ANKFN1: variants seen among roughly 807,000 people sequenced by gnomAD.
ANKFN1 encodes ankyrin repeat and fibronectin type-III domain-containing protein 1.
Under a neutral mutation model 108.7 loss-of-function variants are expected in ANKFN1, and 74 were observed. The ratio of observed to expected loss-of-function variants is 0.68; its 90% CI spans 0.56 to 0.83. ANKFN1 has a LOEUF of 0.83. ANKFN1 is among the 40% of genes least tolerant of loss of function. The pLI, the probability that ANKFN1 is intolerant of heterozygous loss-of-function variation, is 0.00. For missense variants in ANKFN1, 1,505 were observed against 1,382.3 expected (o/e 1.09, Z -1.41); for synonymous variants, 547 against 516.2 (o/e 1.06, Z -0.81).
Position 56,492,306 on chromosome 17 carries a change from G to T in ANKFN1, c.2380G>T (p.Val794Phe), listed in dbSNP as rs1431989040. ...CAGGGAAGCAATCTCAGACAGCGAG[G>T]TTGCAGCTGCCAAACAAAGACACCA... ...SLREAISDSEVAAAKQRHQQV... is the reference protein window; with the variant it reads ...SLREAISDSEFAAAKQRHQQV... The change falls in exon 19 of 21, where the codon GTT (valine) becomes TTT (phenylalanine). Residue 794 changes from valine to phenylalanine, a missense_variant. Coordinates refer to ENST00000682825, the MANE Select transcript of ANKFN1 (RefSeq NM_001370326.1). The T allele has an allele frequency of 7.1e-6, 5 of 702,574 alleles. No individual in the cohort carries two copies. Among genetic ancestry groups the T allele is most frequent in the South Asian group, 1.5e-5 (1 of 67,562 alleles). The allele number at this position is 702,574 out of a possible 1,614,324, so 43.5% of individuals were successfully genotyped here. A position where few individuals can be genotyped will look rare whatever the true frequency, so the allele number is the denominator to read the frequency against.
intron 8 of ANKFN1, among the ~76,000 whole-genome samples, chr17:56,408,315 T>A (rs2047983645): frequency 6.6e-6 from 1 of 152,198 alleles, no homozygotes; most frequent in Non-Finnish European, 1.5e-5. Context: ...ATCAAAGATG[T>A]TTATACACAT....
At chr17:56,066,001 A>G (rs752612) in intron 4 of ANKFN1, among the ~76,000 whole-genome samples, 112,809 of 151,638 alleles carry the variant, frequency 0.74, 42,270 homozygotes, top group Non-Finnish European at 0.81. Context: ...AGGTATGCCT[A>G]TGCCTATGAC....
chr17:56,493,733 C>T (rs1306372410), intron 19 of ANKFN1, among the ~76,000 whole-genome samples: 2 of 152,122 alleles, frequency 1.3e-5, no homozygotes, highest in Non-Finnish European at 2.9e-5. Flanking sequence ...TACAGCCATA[C>T]TGGTTGTTTA....
At chr17:56,120,947 T>C (rs886405996) in intron 4 of ANKFN1, among the ~76,000 whole-genome samples, 1 of 152,182 alleles carries the variant, frequency 6.6e-6, no homozygotes, top group Admixed American at 6.6e-5. Context: ...ACTCAAACTC[T>C]TTAATGATTT....
chr17:56,286,034 G>T (rs1029125480), intron 3 of ANKFN1, among the ~76,000 whole-genome samples: 1 of 152,132 alleles, frequency 6.6e-6, no homozygotes, highest in Non-Finnish European at 1.5e-5. Context: ...AAGCATCTCA[G>T]TGTGGAAAAG....
intron 1 of ANKFN1, among the ~76,000 whole-genome samples, chr17:56,176,561 A>T (rs1911177129): frequency 6.6e-6 from 1 of 152,208 alleles, no homozygotes; most frequent in Non-Finnish European, 1.5e-5. Context: ...CTTTGTGGTC[A>T]CTATGTCAAA....
intron 4 of ANKFN1, among the ~76,000 whole-genome samples, chr17:56,081,221 T>C (rs1905241720): frequency 6.6e-6 from 1 of 152,154 alleles, no homozygotes; most frequent in Admixed American, 6.5e-5. Flanking sequence ...TGAAAGTTTA[T>C]TAAACAGCAT....
chr17:56,511,250 T>C lies in ANKFN1; in HGVS notation c.3422T>C (p.Ile1141Thr). The C allele has an allele frequency of 6.5e-7, 1 of 1,529,132 alleles. No homozygotes were observed. The highest frequency in any genetic ancestry group is 8.8e-7 in the Non-Finnish European group (1 of 1,142,358). The allele number at this position is 1,529,132 out of a possible 1,614,324, so 94.7% of individuals were successfully genotyped here. ...EGPTASPMSE[I>T]LSSML ...CCCACCGCCTCTCCCATGTCAGAAATACTCAGCAGCATGCTTTAGGGAGGC... is the reference window on the plus strand; with the variant it reads ...CCCACCGCCTCTCCCATGTCAGAAACACTCAGCAGCATGCTTTAGGGAGGC... The change falls in exon 21 of 21, where the codon ATA (isoleucine) becomes ACA (threonine). Residue 1141 changes from isoleucine (I) to threonine (T), a missense_variant. Coordinates refer to ENST00000682825, the MANE Select transcript of ANKFN1 (RefSeq NM_001370326.1).
intron 8 of ANKFN1, among the ~76,000 whole-genome samples, chr17:56,388,729 G>C (rs912934622): frequency 1.3e-5 from 2 of 151,602 alleles, no homozygotes; most frequent in Non-Finnish European, 2.9e-5. Context: ...GTTCCTTTCA[G>C]AGTATTACTT....
intron 3 of ANKFN1, among the ~76,000 whole-genome samples, chr17:56,320,978 C>G (rs2045350024): frequency 6.6e-6 from 1 of 150,832 alleles, no homozygotes; most frequent in Non-Finnish European, 1.5e-5. Flanking sequence ...GAGACCGTTA[C>G]TTTTAGTCTG....
At chr17:56,413,760 C>T (rs542808894) in intron 8 of ANKFN1, among the ~76,000 whole-genome samples, 2 of 152,048 alleles carry the variant, frequency 1.3e-5, no homozygotes, top group African/African-American at 4.8e-5. Context: ...TGCTCTGTCA[C>T]CCAGGCTGGA....
intron 2 of ANKFN1, among the ~76,000 whole-genome samples, chr17:56,226,515 G>A (rs1916286722): frequency 6.6e-6 from 1 of 152,120 alleles, no homozygotes; most frequent in African/African-American, 2.4e-5. Context: ...TTGAGTAGTT[G>A]GAGGAATGAA....
chr17:56,352,546 T>C (rs189333837), intron 5 of ANKFN1, among the ~76,000 whole-genome samples: 99 of 152,346 alleles, frequency 6.5e-4, no homozygotes, highest in Non-Finnish European at 1.2e-3. Flanking sequence ...TGCTAAGAAA[T>C]ATGTACCTAA....
rs765735815 is a variant in ANKFN1, at chr17:56,440,312, C to G, written c.911-15C>G. 11 of 1,548,558 alleles carry G rather than the reference C, an allele frequency of 7.1e-6. No homozygotes were observed. In the South Asian group the frequency reaches 1.1e-4, roughly 16 times the overall value. On this transcript the variant is annotated splice_polypyrimidine_tract_variant and intron_variant, in intron 8 of 20. Transcript: ENST00000682825. ...TCCCTCTTTCTCTCTCTCCCTGCCC[C>G]CCTACTCCCTCCAGTGGAATGGAGT...
intron 3 of ANKFN1, among the ~76,000 whole-genome samples, chr17:56,303,347 G>A (rs72833843): frequency 0.11 from 16,758 of 152,164 alleles, 982 homozygotes; most frequent in African/African-American, 0.16. Context: ...GTGCTGCACT[G>A]GATCCTGGTT....
chr17:56,108,178 G>C (rs886851706), intron 4 of ANKFN1, among the ~76,000 whole-genome samples: 1 of 152,186 alleles, frequency 6.6e-6, no homozygotes, highest in Non-Finnish European at 1.5e-5. Context: ...TGGGATTACA[G>C]GTGCACACCA....
chr17:56,302,630 T>C (rs923548925), intron 3 of ANKFN1, among the ~76,000 whole-genome samples: 1 of 152,002 alleles, frequency 6.6e-6, no homozygotes, highest in East Asian at 1.9e-4. Flanking sequence ...CCATTCAAAC[T>C]TAAAGAGATA....
chr17:56,277,423 C>G (rs1198754887), intron 3 of ANKFN1, among the ~76,000 whole-genome samples: 1 of 151,768 alleles, frequency 6.6e-6, no homozygotes, highest in Non-Finnish European at 1.5e-5. Context: ...CCTGTAGTAG[C>G]ATAATAATAA....
chr17:56,495,973 C>A (rs920200541), intron 19 of ANKFN1, among the ~76,000 whole-genome samples: 17 of 152,100 alleles, frequency 1.1e-4, no homozygotes, highest in Non-Finnish European at 2.5e-4. Flanking sequence ...ATCAACAGAC[C>A]TAGGGAATTC....
Sources: allele counts gnomAD v4.1 joint callset (sites outside exome capture counted in the v4.1 genomes callset), GRCh38; gene constraint gnomAD v4.1.1; transcripts MANE v1.5; gene names NCBI Gene and HGNC (gene_info 2026-07-23, HGNC 2026-07-21).